The following EPHB4 variants were observed in gnomAD, a reference collection of about 807,000 sequenced individuals.
EPHB4 encodes the protein EPH receptor B4.
In EPHB4, 50 loss-of-function variants were observed where a neutral mutation model predicts 110.6. The observed-to-expected ratio is 0.45, with a 90% CI of 0.36 to 0.57. The LOEUF (loss-of-function observed/expected upper bound fraction) is 0.57, where lower values mean the gene tolerates loss of function less well. Among genes scored for constraint, EPHB4 ranks in the 20% least tolerant of loss-of-function variants. The pLI, the probability that EPHB4 is intolerant of heterozygous loss-of-function variation, is 0.00. For synonymous variants in EPHB4, 592 were observed against 578.4 expected (o/e 1.02, Z -0.34); for missense variants, 1,128 against 1,382.1 (o/e 0.82, Z 2.91).
At chr7:100,811,977 G>A (rs776405158) in intron 12 of EPHB4, among the ~76,000 whole-genome samples, 52 of 151,986 alleles carry the variant, frequency 3.4e-4, no homozygotes, top group Admixed American at 5.9e-4. Context: ...TTCGAGACCA[G>A]CCTGACCAAC....
chr7:100,818,502 G>A lies in EPHB4; in HGVS notation c.1422+18C>T. On this transcript the variant is annotated intron_variant, in intron 7 of 16. Transcript: ENST00000358173. ...CAACCCATTGCCCACCCACCCCAGGGCTGGGGGATGGCCTTACCTTCTCAT... is the reference window on the plus strand; with the variant it reads ...CAACCCATTGCCCACCCACCCCAGGACTGGGGGATGGCCTTACCTTCTCAT... The A allele has an allele frequency of 1.9e-6, 3 of 1,613,294 alleles. No homozygotes were observed. Among genetic ancestry groups the A allele is most frequent in the Non-Finnish European group, 2.5e-6 (3 of 1,179,458 alleles).
rs368174209 is a variant in EPHB4, at chr7:100,818,498, C to A, written c.1422+22G>T. On this transcript the variant is annotated intron_variant, in intron 7 of 16. Coordinates refer to ENST00000358173, the MANE Select transcript of EPHB4 (RefSeq NM_004444.5). ...AGCACAACCCATTGCCCACCCACCC[C>A]AGGGCTGGGGGATGGCCTTACCTTC... The A allele has an allele frequency of 4.3e-6, 7 of 1,612,840 alleles. No homozygotes were observed. The African/African-American group carries it at 9.3e-5, about 21-fold the overall frequency.
At chr7:100,812,635 G>A (rs1812962294) in intron 12 of EPHB4, 112 bp downstream of exon 12, 1 of 1,421,938 alleles carries the variant, frequency 7.0e-7, no homozygotes, top group Non-Finnish European at 9.4e-7. Context: ...AAGAGGAAAA[G>A]GCTGGAGGAG....
intron 4 of EPHB4, 157 bp from the exon 5 acceptor site, chr7:100,820,453 A>T: frequency 1.6e-6 from 1 of 618,850 alleles, no homozygotes; most frequent in Non-Finnish European, 2.4e-6. Context: ...CAACATATCG[A>T]GATCCCATCT....
chr7:100,823,805 C>T lies in EPHB4; in HGVS notation c.250G>A (p.Val84Ile), dbSNP rs201465765. 20 of 1,613,198 alleles carry T rather than the reference C, an allele frequency of 1.2e-5. No homozygotes were observed. Among genetic ancestry groups the T allele is most frequent in the Middle Eastern group, 1.7e-4 (1 of 6,056 alleles). Reference sequence around the variant, plus strand: ...AAGCGCAGCGTGGCGTACACGTGGACGGCGCCCCGCCGTGGGACCCAACCT... The same window carrying T: ...AAGCGCAGCGTGGCGTACACGTGGATGGCGCCCCGCCGTGGGACCCAACCT... The part of the protein sequence containing the change: ...RTGWVPRRGA[V>I]HVYATLRFTM... The change falls in exon 3 of 17, where the codon GTC becomes ATC. Residue 84 changes from valine (V) to isoleucine (I), a missense_variant. Physicochemically the swap from Val to Ile is conservative, Grantham distance 29. Transcript: ENST00000358173.
intron 13 of EPHB4, 100 bp from the exon 14 acceptor site, chr7:100,806,669 C>T (rs1250234450): frequency 2.8e-6 from 4 of 1,413,896 alleles, no homozygotes; most frequent in Non-Finnish European, 3.8e-6. Context: ...TGCTTTTTCC[C>T]CCTAGCTCAG....
chr7:100,822,749 C>G lies in EPHB4; in HGVS notation c.412-82G>C. 1.4e-6 allele frequency: 2 copies of G among 1,432,026 alleles called. No homozygotes were observed. Among genetic ancestry groups the G allele is most frequent in the East Asian group, 2.5e-5 (1 of 39,662 alleles). 88.7% of individuals were successfully genotyped at this position (1,432,026 alleles called of 1,614,324 possible). On this transcript the variant is annotated intron_variant, in intron 3 of 16. Coordinates refer to ENST00000358173, the MANE Select transcript of EPHB4 (RefSeq NM_004444.5). This position sits in a 1 kb window ranked among gnomAD's most constrained non-coding sequence, Gnocchi z 4.7. ...ACTGTTGTGTTCTTCCCAGCTCACC[C>G]TCCCGGACCTCCTTGGTTCCCGTTC...
rs2289058 is a variant in EPHB4, at chr7:100,819,711, G to A, written c.1143C>T (p.Pro381=). 722 of 1,613,068 alleles carry A rather than the reference G, an allele frequency of 4.5e-4. 9 individuals carry two copies. In the East Asian group the frequency reaches 0.015, roughly 33 times the overall value. ...APCGGDLTFD[P]GPRDLVEPWV... is the part of the protein sequence containing the mutation. ...AGGGCTCCACCAGGTCCCGGGGGCC[G>A]GGGTCAAAAGTCAGGTCTCCCCCGC... The change falls in exon 6 of 17, where the codon CCC becomes CCT. Residue 381 remains proline, a synonymous_variant. Transcript: ENST00000358173.
intron 9 of EPHB4, 89 bp downstream of exon 9, chr7:100,813,830 G>A (rs1466907126): frequency 6.2e-7 from 1 of 1,600,626 alleles, no homozygotes; most frequent in Non-Finnish European, 8.5e-7. Context: ...AAGAGGCTGG[G>A]GACAGCCAGA....
intron 16 of EPHB4, among the ~76,000 whole-genome samples, chr7:100,804,953 G>A (rs1363307849): frequency 1.3e-5 from 2 of 152,238 alleles, no homozygotes; most frequent in Admixed American, 6.5e-5. Flanking sequence ...AGGAGGAGGT[G>A]AGGCGGGCAG....
rs1474178715 is a variant in EPHB4 at position 100,818,627 on chromosome 7, C to T, written c.1315G>A (p.Asp439Asn). ...GGTGAGGACCGCGTCACCCGGATGT[C>T]AGACACTGCAGGAGGTACTGTGAGA... is the stretch of plus-strand genomic sequence containing the variant. ...TDREVPPAVS[D>N]IRVTRSSPSS... Residue 439 changes from aspartate to asparagine, a missense_variant, in exon 7 of 17, where the codon GAC (aspartate) becomes AAC (asparagine). Physicochemically the swap from Asp to Asn is conservative, Grantham distance 23. Coordinates refer to ENST00000358173, the MANE Select transcript of EPHB4 (RefSeq NM_004444.5). 5.6e-6 allele frequency: 9 copies of T among 1,611,588 alleles called. No individual in the cohort carries two copies. The highest frequency in any genetic ancestry group is 3.3e-5 in the Admixed American group (2 of 59,958).
chr7:100,815,310 G>A (rs959232738), intron 8 of EPHB4, among the ~76,000 whole-genome samples: 4 of 151,768 alleles, frequency 2.6e-5, no homozygotes, highest in African/African-American at 9.7e-5. Context: ...GTGACAGAGC[G>A]AGACCCTGTT....
At chr7:100,806,834 C>G (rs1486390938) in intron 13 of EPHB4, among the ~76,000 whole-genome samples, 1 of 152,082 alleles carries the variant, frequency 6.6e-6, no homozygotes, top group Non-Finnish European at 1.5e-5. Flanking sequence ...CCACCCTCAG[C>G]TAATTTTGTA....
intron 1 of EPHB4, chr7:100,825,077 T>G (rs1477231768): frequency 7.6e-6 from 1 of 130,754 alleles, no homozygotes; most frequent in African/African-American, 2.9e-5. Flanking sequence ...GGAGGGAGGG[T>G]ACAGGAATCC....
intron 4 of EPHB4, chr7:100,820,625 T>C (rs1310050352): frequency 4.9e-6 from 1 of 202,960 alleles, no homozygotes; most frequent in African/African-American, 2.3e-5. Context: ...GGCAGTCTGG[T>C]GAAGCCCACA....
At position 100,803,571 on chromosome 7, in the gene EPHB4, C is replaced by T; in HGVS notation, c.2854G>A (p.Val952Ile). The T allele has an allele frequency of 6.2e-7, 1 of 1,606,084 alleles. No individual in the cohort carries two copies. The highest frequency in any genetic ancestry group is 8.5e-7 in the Non-Finnish European group (1 of 1,175,214). The change falls in exon 17 of 17, where the codon GTC becomes ATC. Residue 952 changes from valine (V) to isoleucine (I), a missense_variant. This residue lies in a region of EPHB4 where 209 missense variants were observed against 240.5 expected (regional missense o/e 0.87). Coordinates refer to ENST00000358173, the MANE Select transcript of EPHB4 (RefSeq NM_004444.5). ...TTCTTCTGGTGTCCCGCCAGAGTGA[C>T]TCCGATTCGGAGCAGGTCCCTGCAG... is the stretch of plus-strand genomic sequence containing the variant. ...ISAEDLLRIGVTLAGHQKKIL... is the reference protein window; with the variant it reads ...ISAEDLLRIGITLAGHQKKIL...
intron 14 of EPHB4, 88 bp from the exon 15 acceptor site, chr7:100,805,782 GTAGGA>G: frequency 7.7e-7 from 1 of 1,294,090 alleles, no homozygotes; most frequent in Non-Finnish European, 1.0e-6. Flanking sequence ...TTGGAAGATG[GTAGGA>G]TAGGAGCCAC....
rs754054238 is a variant in EPHB4, at chr7:100,822,333, G to A, written c.746C>T (p.Pro249Leu). ...CGGAGCACAGCTGCAGCCCGTGACC[G>A]GCTGTTCGGCCCACTGGCCATCCTC... ...CREDGQWAEQPVTGCSCAPGF... is the reference protein window; with the variant it reads ...CREDGQWAEQLVTGCSCAPGF... Residue 249 changes from proline (P) to leucine (L), a missense_variant, in exon 4 of 17, where the codon CCG (proline) becomes CTG (leucine). Transcript: ENST00000358173. This position sits in a 1 kb window ranked among gnomAD's most constrained non-coding sequence, Gnocchi z 4.7. 3.2e-6 allele frequency: 5 copies of A among 1,567,514 alleles called. No individual in the cohort carries two copies. The highest frequency in any genetic ancestry group is 4.3e-6 in the Non-Finnish European group (5 of 1,154,990).
intron 3 of EPHB4, 125 bp downstream of exon 3, chr7:100,823,519 C>G: frequency 7.7e-7 from 1 of 1,292,984 alleles, no homozygotes; most frequent in Non-Finnish European, 1.0e-6. Context: ...ACCTAAGCCT[C>G]CTGCTTCCAG....
Sources: gnomAD v4.1 joint callset for allele counts (sites outside exome capture counted in the v4.1 genomes callset) on GRCh38, gnomAD v4.1.1 for gene constraint, gnomAD v4.1.1 regional missense constraint, Gnocchi (gnomAD v3.1) non-coding constraint, MANE v1.5 for transcripts, NCBI Gene and HGNC (gene_info 2026-07-23, HGNC 2026-07-21) for gene names.